Variants in ROCK1 observed in about 807,000 individuals in gnomAD.
ROCK1 encodes rho-associated protein kinase 1.
A neutral mutation model predicts 196.8 loss-of-function variants in ROCK1; 36 were observed. The ratio of observed to expected loss-of-function variants is 0.18; its 90% confidence interval spans 0.14 to 0.24. ROCK1 has a LOEUF of 0.24. Ranked by LOEUF, ROCK1 falls within the 10% of genes least tolerant of loss-of-function variation. ROCK1 has a pLI of 1.00. For synonymous variants in ROCK1, 443 were observed against 515.9 expected, an observed-to-expected ratio of 0.86 and a Z score of 1.91; for missense variants, 920 against 1,562.0, an observed-to-expected ratio of 0.59 and a Z score of 6.93.
At chr18:21,108,232 T>C (rs2036720480) in intron 1 of ROCK1, among the ~76,000 whole-genome samples, 1 of 152,188 alleles carries the variant, frequency 6.6e-6, no homozygotes, top group South Asian at 2.1e-4. Flanking sequence ...TTTAACAAAA[T>C]GTTGTTTTAG....
chr18:21,098,737 C>A (rs1425385190), intron 1 of ROCK1, among the ~76,000 whole-genome samples: 1 of 150,074 alleles, frequency 6.7e-6, no homozygotes, highest in Non-Finnish European at 1.5e-5. Flanking sequence ...TTAAAATGAA[C>A]AAAAAATATG....
At chr18:21,024,992 G>C (rs559334183) in intron 10 of ROCK1, among the ~76,000 whole-genome samples, 1 of 152,320 alleles carries the variant, frequency 6.6e-6, no homozygotes, top group Non-Finnish European at 1.5e-5. Flanking sequence ...AATTAGATGA[G>C]ACTGTTTCAT....
At chr18:21,024,197 G>A (rs2035937750) in intron 10 of ROCK1, among the ~76,000 whole-genome samples, 1 of 152,110 alleles carries the variant, frequency 6.6e-6, no homozygotes, top group South Asian at 2.1e-4. Flanking sequence ...AAAAGTTTTT[G>A]CCTATGTGGG....
intron 1 of ROCK1, among the ~76,000 whole-genome samples, chr18:21,109,471 T>C (rs2036730908): frequency 6.6e-6 from 1 of 152,190 alleles, no homozygotes; most frequent in Admixed American, 6.5e-5. Context: ...TTCTTAGAAG[T>C]TATAGAAATC....
In ROCK1 at chr18:21,111,032, G is replaced by C; in HGVS notation, c.-122C>G. On this transcript the variant is annotated 5_prime_UTR_variant, in exon 1 of 33. Transcript: ENST00000399799. This position sits in a 1 kb window ranked among gnomAD's most constrained non-coding sequence, Gnocchi z 4.2. ...AGGAGCCGGAACCTCAGGGTCACCAGGTGCGCCCGGTTCCCCCGTCTTCCC... is the reference window on the plus strand; with the variant it reads ...AGGAGCCGGAACCTCAGGGTCACCACGTGCGCCCGGTTCCCCCGTCTTCCC... The C allele has an allele frequency of 1.4e-6, 1 of 725,004 alleles. No individual in the cohort carries two copies. The highest frequency in any genetic ancestry group is 2.4e-6 in the Non-Finnish European group (1 of 422,398). 44.9% of individuals were successfully genotyped at this position (725,004 alleles called of 1,614,324 possible).
intron 27 of ROCK1, among the ~76,000 whole-genome samples, chr18:20,965,258 A>T (rs2035361976): frequency 6.6e-6 from 1 of 151,930 alleles, no homozygotes; most frequent in Non-Finnish European, 1.5e-5. Flanking sequence ...GGGTGTGGTG[A>T]TGTGCACCTG....
At chr18:21,092,054 G>A (rs2036575172) in intron 1 of ROCK1, among the ~76,000 whole-genome samples, 2 of 152,102 alleles carry the variant, frequency 1.3e-5, no homozygotes, top group African/African-American at 2.4e-5. Flanking sequence ...AATTATTAGG[G>A]GAGTCAGCAC....
At chr18:21,033,267 T>C (rs2036025906) in intron 9 of ROCK1, among the ~76,000 whole-genome samples, 1 of 152,026 alleles carries the variant, frequency 6.6e-6, no homozygotes, top group Non-Finnish European at 1.5e-5. Context: ...CAAAAAGCAT[T>C]TGACAAACAC....
intron 22 of ROCK1, among the ~76,000 whole-genome samples, chr18:20,973,571 C>A (rs1237317750): frequency 6.6e-6 from 1 of 152,094 alleles, no homozygotes; most frequent in East Asian, 1.9e-4. Context: ...GTCACCACAC[C>A]CGACCAAGTC....
intron 14 of ROCK1, among the ~76,000 whole-genome samples, chr18:21,007,768 G>T (rs1221770730): frequency 6.6e-6 from 1 of 151,900 alleles, no homozygotes. Flanking sequence ...AGAATCGCTG[G>T]GATTTAGGCA....
intron 1 of ROCK1, among the ~76,000 whole-genome samples, chr18:21,098,128 G>A (rs2036627056): frequency 6.6e-6 from 1 of 152,206 alleles, no homozygotes; most frequent in African/African-American, 2.4e-5. Context: ...CGGTGTATGT[G>A]CATGGGAGAG....
chr18:21,054,564 T>C (rs183132065), intron 2 of ROCK1, among the ~76,000 whole-genome samples: 1 of 152,290 alleles, frequency 6.6e-6, no homozygotes, highest in African/African-American at 2.4e-5. Flanking sequence ...CTGCTAGCTT[T>C]GATTTTCATT....
chr18:20,974,948 C>T (rs1195782164), intron 22 of ROCK1, among the ~76,000 whole-genome samples: 2 of 152,186 alleles, frequency 1.3e-5, no homozygotes, highest in East Asian at 3.8e-4. Context: ...CATCCCCTTG[C>T]CATAACAGCC....
At chr18:20,988,950 A>C (rs186777349) in intron 18 of ROCK1, among the ~76,000 whole-genome samples, 177 of 152,310 alleles carry the variant, frequency 1.2e-3, no homozygotes, top group African/African-American at 3.8e-3. Context: ...GAAATAAAAG[A>C]AGCTCAATAT....
intron 2 of ROCK1, among the ~76,000 whole-genome samples, chr18:21,057,067 T>C (rs1225896250): frequency 1.3e-5 from 2 of 152,242 alleles, no homozygotes; most frequent in Non-Finnish European, 2.9e-5. Context: ...GATTTTGACC[T>C]CTTTGTTATT....
intron 26 of ROCK1, 50 bp downstream of exon 26, chr18:20,967,702 T>C: frequency 7.6e-7 from 1 of 1,323,566 alleles, no homozygotes; most frequent in Non-Finnish European, 1.0e-6. Context: ...AGAAATAATT[T>C]AAGAAAATAA....
chr18:21,104,663 A>G (rs1004741823), intron 1 of ROCK1, among the ~76,000 whole-genome samples: 1 of 152,206 alleles, frequency 6.6e-6, no homozygotes, highest in African/African-American at 2.4e-5. Flanking sequence ...CTACACACCC[A>G]CAGGGTGCCT....
chr18:21,023,517 C>A, intron 11 of ROCK1, 103 bp downstream of exon 11: 1 of 550,154 alleles, frequency 1.8e-6, no homozygotes, highest in Non-Finnish European at 3.0e-6. Flanking sequence ...TTCAGCTAAC[C>A]ACAGCTTCAC....
Position 20,987,027 on chromosome 18 carries a change from T to A in ROCK1, c.2227A>T (p.Met743Leu). ...RVVQIEKQCS[M>L]LDVDLKQSQQ... ...GATTGCTTCAGATCAACGTCTAGCA[T>A]GGAACACTGTTTCTCAATCTGAACA... Residue 743 changes from methionine to leucine, a missense_variant, in exon 19 of 33, where the codon ATG becomes TTG. This residue lies in a region of ROCK1 where 520 missense variants were observed against 657.1 expected (regional missense o/e 0.79). Coordinates refer to ENST00000399799, the MANE Select transcript of ROCK1 (RefSeq NM_005406.3). 1 of 1,612,760 alleles carries A rather than the reference T, an allele frequency of 6.2e-7. No individual in the cohort carries two copies. The highest frequency in any genetic ancestry group is 8.5e-7 in the Non-Finnish European group (1 of 1,179,610).
Sources: allele counts gnomAD v4.1 joint callset (sites outside exome capture counted in the v4.1 genomes callset), GRCh38; gene constraint gnomAD v4.1.1; regional missense constraint gnomAD v4.1.1; non-coding constraint Gnocchi (gnomAD v3.1); transcripts MANE v1.5; gene names NCBI Gene and HGNC (gene_info 2026-07-23, HGNC 2026-07-21).